PACRG: variants seen among roughly 807,000 people sequenced by gnomAD.
PACRG encodes parkin coregulated, also known as parkin coregulated gene protein.
In PACRG, 29 loss-of-function variants were observed where a neutral mutation model predicts 29.7. The ratio of observed to expected loss-of-function variants is 0.98; its 90% CI spans 0.73 to 1.33. The LOEUF (loss-of-function observed/expected upper bound fraction) is 1.33. PACRG is among the 40% of genes most tolerant of loss of function. The pLI, the probability that PACRG is intolerant of heterozygous loss-of-function variation, is 0.00. For synonymous variants in PACRG, 116 were observed against 118.7 expected (o/e 0.98, Z 0.15); for missense variants, 279 against 316.2 (o/e 0.88, Z 0.89).
intron 4 of PACRG, among the ~76,000 whole-genome samples, chr6:163,148,055 G>A (rs1185436814): frequency 6.6e-6 from 1 of 152,196 alleles, no homozygotes; most frequent in African/African-American, 2.4e-5. Context: ...AACTCACTCT[G>A]AGGACAAGAC....
Position 162,947,354 on chromosome 6 carries a change from T to TGTG in PACRG, c.292-114796_292-114795insGTG, listed in dbSNP as rs374880210. 1.3e-3 allele frequency among the ~76,000 whole-genome samples: 61 copies of TGTG among 47,086 alleles called. 9 individuals carry two copies. The highest frequency in any genetic ancestry group is 2.4e-3 in the Non-Finnish European group (55 of 22,454). 30.9% of individuals were successfully genotyped at this position (47,086 alleles called of 152,430 possible). A position where few individuals can be genotyped will look rare whatever the true frequency, so the allele number is the denominator to read the frequency against. On this transcript the variant is annotated intron_variant, in intron 2 of 4. Coordinates refer to ENST00000366888, the MANE Select transcript of PACRG (RefSeq NM_001080379.2). ...TAATCATATATATAATGATTACATA[T>TGTG]ATATAATGTAATCATATATAATCAT...
At chr6:162,808,983 T>C (rs2128352511) in intron 1 of PACRG, among the ~76,000 whole-genome samples, 1 of 152,264 alleles carries the variant, frequency 6.6e-6, no homozygotes, top group South Asian at 2.1e-4. Flanking sequence ...TAATAAGTTC[T>C]TTATTACCAT....
chr6:162,985,462 T>A (rs1426111833), intron 2 of PACRG, among the ~76,000 whole-genome samples: 1 of 152,084 alleles, frequency 6.6e-6, no homozygotes, highest in Non-Finnish European at 1.5e-5. Context: ...AATCACATGA[T>A]CATCTCAATA....
At chr6:163,050,023 TA>T (rs1438705595) in intron 2 of PACRG, among the ~76,000 whole-genome samples, 1 of 152,112 alleles carries the variant, frequency 6.6e-6, no homozygotes. Flanking sequence ...CTTTATAAAC[TA>T]ATTCAGAACT....
At chr6:162,794,536 GA>G (rs1396467982) in intron 1 of PACRG, among the ~76,000 whole-genome samples, 3 of 151,928 alleles carry the variant, frequency 2.0e-5, no homozygotes, top group African/African-American at 7.2e-5. Context: ...AAATAATAAA[GA>G]TTTTTTTCTG....
intron 1 of PACRG, among the ~76,000 whole-genome samples, chr6:162,766,643 A>G (rs1258029196): frequency 6.6e-6 from 1 of 152,142 alleles, no homozygotes; most frequent in East Asian, 1.9e-4. Flanking sequence ...TTGAATCTCC[A>G]TAATGTTTTC....
At chr6:163,095,728 A>G (rs1814522536) in intron 4 of PACRG, among the ~76,000 whole-genome samples, 1 of 152,074 alleles carries the variant, frequency 6.6e-6, no homozygotes, top group African/African-American at 2.4e-5. Context: ...TCCTATGAGA[A>G]TACCAGCCCT....
chr6:163,265,023 A>G lies in PACRG; in HGVS notation c.614-49804A>G, dbSNP rs546669592. Among the ~76,000 whole-genome samples the G allele has an allele frequency of 1.5e-3, 224 of 152,310 alleles. 1 individual carries two copies. The highest frequency in any genetic ancestry group is 5.0e-3 in the African/African-American group (207 of 41,570). ...CCTAGCAATGGATGATATGCTTTTA[A>G]GCTGAAAGTGCTTTGAGGACTAGTA... is the stretch of plus-strand genomic sequence containing the variant. On this transcript the variant is annotated intron_variant, in intron 4 of 4. Coordinates refer to ENST00000366888, the MANE Select transcript of PACRG (RefSeq NM_001080379.2).
intron 1 of PACRG, among the ~76,000 whole-genome samples, chr6:162,789,435 T>C (rs555269216): frequency 1.3e-5 from 2 of 152,290 alleles, no homozygotes; most frequent in African/African-American, 4.8e-5. Flanking sequence ...CATGCTTACT[T>C]TTATAGGGAA....
At chr6:163,221,600 G>A (rs1416822785) in intron 4 of PACRG, among the ~76,000 whole-genome samples, 1 of 152,228 alleles carries the variant, frequency 6.6e-6, no homozygotes, top group Admixed American at 6.5e-5. Flanking sequence ...GCAGCCAAGG[G>A]AACTATTTGA....
At position 163,062,336 on chromosome 6, in the gene PACRG, G is replaced by A. The variant is rs1266833500; in HGVS notation, c.463+15G>A. 2 of 1,602,732 alleles carry A rather than the reference G, an allele frequency of 1.2e-6. No homozygotes were observed. The highest frequency in any genetic ancestry group is 1.7e-6 in the Non-Finnish European group (2 of 1,175,466). On this transcript the variant is annotated intron_variant, in intron 3 of 4. Transcript: ENST00000366888. ...CCCGATAAAAAGTAAGTGAACCGGT[G>A]AAAAAGCATCACTCAGTTTATACGG...
At chr6:162,898,326 G>A (rs1464679382) in intron 2 of PACRG, among the ~76,000 whole-genome samples, 1 of 152,190 alleles carries the variant, frequency 6.6e-6, no homozygotes, top group African/African-American at 2.4e-5. Flanking sequence ...AGTATGTCCT[G>A]AGAGACTGGG....
intron 3 of PACRG, among the ~76,000 whole-genome samples, chr6:163,079,538 G>T (rs1812874738): frequency 6.6e-6 from 1 of 152,116 alleles, no homozygotes; most frequent in Non-Finnish European, 1.5e-5. Flanking sequence ...CCTTTATGAG[G>T]AAACATATTA....
chr6:162,947,185 T>A (rs1188821041), intron 2 of PACRG, among the ~76,000 whole-genome samples: 3 of 149,834 alleles, frequency 2.0e-5, no homozygotes, highest in Non-Finnish European at 4.4e-5. Flanking sequence ...CATCCCTCTT[T>A]CCAGATGACA....
At chr6:162,782,978 C>T (rs1405509095) in intron 1 of PACRG, among the ~76,000 whole-genome samples, 3 of 151,842 alleles carry the variant, frequency 2.0e-5, no homozygotes, top group African/African-American at 7.2e-5. Flanking sequence ...TCAGAAGTCA[C>T]ACAAAGCAGC....
intron 4 of PACRG, among the ~76,000 whole-genome samples, chr6:163,193,196 A>C (rs1345569325): frequency 2.6e-5 from 4 of 152,164 alleles, no homozygotes; most frequent in Non-Finnish European, 5.9e-5. Context: ...GTCTAGAAAA[A>C]TTTTAATGTG....
At position 163,117,140 on chromosome 6, in the gene PACRG, G is replaced by A. The variant is rs145192622; in HGVS notation, c.613+27732G>A. On this transcript the variant is annotated intron_variant, in intron 4 of 4. Transcript: ENST00000366888. ...TGAATAAAAGGAGGATGAATTCAGG[G>A]AACACTCATCCCACACTGTCTAGCG... Among the ~76,000 whole-genome samples the A allele has an allele frequency of 4.0e-3, 616 of 152,258 alleles. 5 individuals are homozygous for A. The highest frequency in any genetic ancestry group is 0.014 in the African/African-American group (569 of 41,538).
intron 2 of PACRG, among the ~76,000 whole-genome samples, chr6:162,901,659 G>C (rs1048534685): frequency 6.6e-6 from 1 of 152,206 alleles, no homozygotes; most frequent in Non-Finnish European, 1.5e-5. Context: ...TGCTCAGGGA[G>C]TCTTTAAAGT....
Position 163,314,816 on chromosome 6 carries a change from G to A in PACRG, c.614-11G>A, listed in dbSNP as rs747958454. On this transcript the variant is annotated splice_polypyrimidine_tract_variant and intron_variant, in intron 4 of 4. Coordinates refer to ENST00000366888, the MANE Select transcript of PACRG (RefSeq NM_001080379.2). ...AAGTAACTGGCCTCTTTGTGTGTTTGCATGCACCAGTGAACTCCGGAGACG... is the reference window on the plus strand; with the variant it reads ...AAGTAACTGGCCTCTTTGTGTGTTTACATGCACCAGTGAACTCCGGAGACG... 6.2e-7 allele frequency: 1 copy of A among 1,612,764 alleles called. No homozygotes were observed. Among genetic ancestry groups the A allele is most frequent in the South Asian group, 1.1e-5 (1 of 90,862 alleles).
Sources: allele counts gnomAD v4.1 joint callset (sites outside exome capture counted in the v4.1 genomes callset), GRCh38; gene constraint gnomAD v4.1.1; transcripts MANE v1.5; gene names NCBI Gene and HGNC (gene_info 2026-07-23, HGNC 2026-07-21).